Variants in SDHC observed in about 807,000 individuals in gnomAD.
SDHC encodes succinate dehydrogenase complex subunit C.
SDHC carries 11 observed loss-of-function variants against 22.6 expected under a neutral mutation model. The ratio of observed to expected loss-of-function variants is 0.49; its 90% CI spans 0.31 to 0.81. The LOEUF (loss-of-function observed/expected upper bound fraction) is 0.81. Among genes scored for constraint, SDHC ranks in the 30% least tolerant of loss-of-function variants. The pLI, the probability that SDHC is intolerant of heterozygous loss-of-function variation, is 0.05. For synonymous variants in SDHC, 80 were observed against 77.8 expected (o/e 1.03, Z -0.15); for missense variants, 160 against 212.0 (o/e 0.75, Z 1.52).
intron 1 of SDHC, among the ~76,000 whole-genome samples, chr1:161,316,002 G>A (rs919435371): frequency 3.9e-5 from 6 of 152,144 alleles, no homozygotes; most frequent in African/African-American, 9.7e-5. Context: ...CTTTAGATAC[G>A]TATACACATA....
intron 4 of SDHC, among the ~76,000 whole-genome samples, chr1:161,348,993 TAAC>T (rs1165227741): frequency 6.6e-6 from 1 of 151,902 alleles, no homozygotes; most frequent in Non-Finnish European, 1.5e-5. Context: ...AAATCATAAA[TAAC>T]AAGATAAAAC....
At chr1:161,337,789 C>T (rs965500886) in intron 3 of SDHC, among the ~76,000 whole-genome samples, 4 of 152,188 alleles carry the variant, frequency 2.6e-5, no homozygotes, top group Admixed American at 2.0e-4. Flanking sequence ...TTAGCTCTTT[C>T]AGTCATGGGA....
At chr1:161,358,144 C>A (rs1221301949) in intron 5 of SDHC, among the ~76,000 whole-genome samples, 3 of 147,256 alleles carry the variant, frequency 2.0e-5, no homozygotes. Context: ...TCAAGTGATT[C>A]TCCTGCCTTA....
At chr1:161,343,024 T>C (rs1356567523) in intron 4 of SDHC, among the ~76,000 whole-genome samples, 2 of 152,234 alleles carry the variant, frequency 1.3e-5, no homozygotes, top group Non-Finnish European at 2.9e-5. Flanking sequence ...GGCCCATTTG[T>C]ACAGAGTAGA....
rs376359063 is a variant in SDHC, at chr1:161,330,571, C to G, written c.179+2074C>G. Among the ~76,000 whole-genome samples, 31 of 152,302 alleles carry G rather than the reference C, an allele frequency of 2.0e-4. No homozygotes were observed. In the South Asian group the frequency reaches 2.7e-3, roughly 13 times the overall value. Reference sequence around the variant, plus strand: ...CCTTCTTTGTGAAAGGTGACACATGCTTTTGCAGCTGAGTCATTTTTAACA... The same window carrying G: ...CCTTCTTTGTGAAAGGTGACACATGGTTTTGCAGCTGAGTCATTTTTAACA... On this transcript the variant is annotated intron_variant, in intron 3 of 5. Transcript: ENST00000367975.
intron 4 of SDHC, among the ~76,000 whole-genome samples, chr1:161,342,838 A>G (rs1408821944): frequency 1.3e-5 from 2 of 152,168 alleles, no homozygotes; most frequent in Admixed American, 6.6e-5. Flanking sequence ...AAGAGGAAAT[A>G]TCTTGCCTAG....
intron 3 of SDHC, among the ~76,000 whole-genome samples, chr1:161,337,284 A>G (rs1393069579): frequency 6.6e-6 from 1 of 152,178 alleles, no homozygotes; most frequent in Non-Finnish European, 1.5e-5. Flanking sequence ...GCTGGAAAAC[A>G]CAAAGGCTAG....
At position 161,323,501 on chromosome 1, in the gene SDHC, ATT is replaced by A. The variant is rs1670916067; in HGVS notation, c.21-112_21-111del. Reference sequence around the variant, plus strand: ...TGGTATCAAGGACACTGATACTGTCATTGTTTTTATATCTTACTTTTAATCTA... The same window carrying A: ...TGGTATCAAGGACACTGATACTGTCAGTTTTTATATCTTACTTTTAATCTA... On this transcript the variant is annotated intron_variant, in intron 1 of 5. Coordinates refer to ENST00000367975, the MANE Select transcript of SDHC (RefSeq NM_003001.5). 4 of 795,578 alleles carry A rather than the reference ATT, an allele frequency of 5.0e-6. No individual in the cohort carries two copies. The Admixed American group carries it at 5.9e-5, about 12-fold the overall frequency. 49.3% of individuals were successfully genotyped at this position (795,578 alleles called of 1,614,324 possible).
intron 1 of SDHC, among the ~76,000 whole-genome samples, chr1:161,318,635 T>G (rs1670717241): frequency 6.6e-6 from 1 of 152,276 alleles, no homozygotes; most frequent in Non-Finnish European, 1.5e-5. Context: ...ACTCTCAATT[T>G]ATGAAACTGC....
At chr1:161,317,550 G>GGGT (rs1558161065) in intron 1 of SDHC, among the ~76,000 whole-genome samples, 2 of 59,892 alleles carry the variant, frequency 3.3e-5, no homozygotes, top group African/African-American at 2.0e-4. Flanking sequence ...TGTGTGTGTG[G>GGGT]TTTTTTTTTT....
At chr1:161,332,052 G>C (rs1054162929) in intron 3 of SDHC, among the ~76,000 whole-genome samples, 1 of 151,752 alleles carries the variant, frequency 6.6e-6, no homozygotes, top group East Asian at 1.9e-4. Flanking sequence ...ATCATAGCTC[G>C]TTGTAACCTT....
At chr1:161,339,687 TTTTG>T (rs1269179851) in intron 3 of SDHC, 2 of 366,288 alleles carry the variant, frequency 5.5e-6, no homozygotes, top group Non-Finnish European at 4.3e-6. Context: ...TTTTTTTTTT[TTTTG>T]GAGACAGAGT....
At chr1:161,323,486 G>T in intron 1 of SDHC, 128 bp from the exon 2 acceptor site, 1 of 714,348 alleles carries the variant, frequency 1.4e-6, no homozygotes, top group Non-Finnish European at 2.5e-6. Context: ...TGGTATCAAG[G>T]ACACTGATAC....
chr1:161,341,899 G>GT (rs1671729200), intron 4 of SDHC, among the ~76,000 whole-genome samples: 1 of 152,022 alleles, frequency 6.6e-6, no homozygotes, highest in South Asian at 2.1e-4. Context: ...TAATTATCTA[G>GT]TAGGGTACCT....
chr1:161,356,047 ACT>A (rs1019605792), intron 4 of SDHC, among the ~76,000 whole-genome samples: 11 of 151,710 alleles, frequency 7.3e-5, no homozygotes, highest in Admixed American at 3.3e-4. Flanking sequence ...GACTGAGTAC[ACT>A]GTTTTTACCT....
chr1:161,352,956 G>A (rs1296888097), intron 4 of SDHC, among the ~76,000 whole-genome samples: 9 of 152,122 alleles, frequency 5.9e-5, no homozygotes, highest in Non-Finnish European at 1.2e-4. Flanking sequence ...CAGTCTGGGC[G>A]ACAGAGCGAG....
At chr1:161,314,455 C>G (rs1670524821) in intron 1 of SDHC, 30 bp downstream of exon 1, 1 of 1,613,170 alleles carries the variant, frequency 6.2e-7, no homozygotes, top group Admixed American at 1.7e-5. Context: ...GAGTTGGTGC[C>G]TGCGGCCCTC....
chr1:161,339,669 T>TTTTTTTTTTTTTTTTTG (rs1671644160), intron 3 of SDHC: 1 of 305,126 alleles, frequency 3.3e-6, no homozygotes, highest in Non-Finnish European at 5.1e-6. Flanking sequence ...GGTGTTTTTT[T>TTTTTTTTTTTTTTTTTG]TTTTTTTTTT....
intron 3 of SDHC, among the ~76,000 whole-genome samples, chr1:161,338,769 A>G (rs1671588978): frequency 6.6e-6 from 1 of 152,212 alleles, no homozygotes; most frequent in Non-Finnish European, 1.5e-5. Context: ...ACTGTGGATA[A>G]ATGAAACTCA....
Sources: gnomAD v4.1 joint callset for allele counts (sites outside exome capture counted in the v4.1 genomes callset) on GRCh38, gnomAD v4.1.1 for gene constraint, MANE v1.5 for transcripts, NCBI Gene and HGNC (gene_info 2026-07-23, HGNC 2026-07-21) for gene names.